Variants in RBFOX1 observed in about 807,000 individuals in gnomAD.
RBFOX1 encodes RNA binding protein fox-1 homolog 1.
Under a neutral mutation model 57.7 loss-of-function variants are expected in RBFOX1, and 8 were observed. That is an observed-to-expected ratio of 0.14 (90% CI 0.08 to 0.25). The LOEUF is 0.25. Ranked by LOEUF, RBFOX1 falls within the 10% of genes least tolerant of loss-of-function variation. The pLI is 1.00. For missense variants in RBFOX1, 611 were observed against 548.5 expected (o/e 1.11, Z -1.14); for synonymous variants, 326 against 222.4 (o/e 1.47, Z -4.15).
intron 1 of RBFOX1, among the ~76,000 whole-genome samples, chr16:6,289,867 A>G (rs1222404193): frequency 2.0e-5 from 3 of 152,206 alleles, no homozygotes; most frequent in Non-Finnish European, 4.4e-5. Context: ...CAGTAAGAGA[A>G]TAATGATTTC....
At chr16:5,998,983 T>G (rs1452706887) in intron 4 of RBFOX1, among the ~76,000 whole-genome samples, 2 of 152,190 alleles carry the variant, frequency 1.3e-5, no homozygotes, top group Non-Finnish European at 2.9e-5. Context: ...AAAATCTATG[T>G]GGATGAACTG....
chr16:5,805,173 C>A (rs1406350862), intron 3 of RBFOX1, among the ~76,000 whole-genome samples: 1 of 151,964 alleles, frequency 6.6e-6, no homozygotes, highest in East Asian at 1.9e-4. Context: ...TGGCACTATG[C>A]AGTGATTCAT....
At chr16:6,219,072 T>C (rs1351698835) in intron 1 of RBFOX1, among the ~76,000 whole-genome samples, 1 of 152,114 alleles carries the variant, frequency 6.6e-6, no homozygotes, top group East Asian at 1.9e-4. Flanking sequence ...TACCGAGTCA[T>C]TAAGAGGGGC....
intron 4 of RBFOX1, among the ~76,000 whole-genome samples, chr16:7,487,275 T>G (rs2065663370): frequency 6.6e-6 from 1 of 152,186 alleles, no homozygotes; most frequent in Admixed American, 6.5e-5. Context: ...GGTATACTCC[T>G]TCCTCAACTA....
In RBFOX1 at chr16:7,298,285, GTT is replaced by G. The variant is rs201092743; in HGVS notation, c.28-219842_28-219841del. On this transcript the variant is annotated intron_variant, in intron 4 of 15. Coordinates refer to ENST00000550418, the MANE Select transcript of RBFOX1 (RefSeq NM_018723.4). Reference sequence around the variant, plus strand: ...AAAATTTGTGTATAGGTTTTTTTTTGTTTTTTTTTTTTTTTTTTTTTGAGATA... The same window carrying G: ...AAAATTTGTGTATAGGTTTTTTTTTGTTTTTTTTTTTTTTTTTTTGAGATA... Among the ~76,000 whole-genome samples, 836 of 96,540 alleles carry G rather than the reference GTT, an allele frequency of 8.7e-3. 5 individuals are homozygous for G. Among genetic ancestry groups the G allele is most frequent in the African/African-American group, 0.028 (703 of 24,890 alleles). 63.3% of individuals were successfully genotyped at this position (96,540 alleles called of 152,430 possible).
Position 7,713,206 on chromosome 16 carries a change from A to G in RBFOX1, c.*2461A>G, listed in dbSNP as rs1418044684. ...CATATAGTGACTTCTTAACACACAC[A>G]TCACGCAATCTGCAAACCCAGAAAA... is the stretch of plus-strand genomic sequence containing the variant. On this transcript the variant is annotated 3_prime_UTR_variant, in exon 16 of 16. Coordinates refer to ENST00000550418, the MANE Select transcript of RBFOX1 (RefSeq NM_018723.4). 2 of 152,266 alleles carry G rather than the reference A, an allele frequency of 1.3e-5. No individual in the cohort carries two copies. Among genetic ancestry groups the G allele is most frequent in the African/African-American group, 4.8e-5 (2 of 41,472 alleles). 9.4% of individuals were successfully genotyped at this position (152,266 alleles called of 1,614,324 possible).
intron 2 of RBFOX1, among the ~76,000 whole-genome samples, chr16:6,650,147 C>G (rs1558568): frequency 0.4 from 60,539 of 152,004 alleles, 13,187 homozygotes; most frequent in South Asian, 0.51. Context: ...GCCTCCACAC[C>G]GTTTTTTGTA....
chr16:6,774,205 G>C (rs1226960628), intron 3 of RBFOX1, among the ~76,000 whole-genome samples: 11 of 152,062 alleles, frequency 7.2e-5, no homozygotes, highest in Admixed American at 6.5e-4. Flanking sequence ...GTTATTAGTA[G>C]GTTTCTCTGT....
At chr16:6,892,275 T>G (rs1256390084) in intron 3 of RBFOX1, among the ~76,000 whole-genome samples, 1 of 152,194 alleles carries the variant, frequency 6.6e-6, no homozygotes, top group Admixed American at 6.5e-5. Context: ...ACGAATGTAT[T>G]TTAGACAAGA....
rs549741784 is a variant in RBFOX1, at chr16:7,044,324, T to G, written c.-15-7733T>G. On this transcript the variant is annotated intron_variant, in intron 3 of 15. Transcript: ENST00000550418. ...TAGTTCTTGCAGAGCCAGTCTGATG[T>G]GTGGGAGAGAAAAATCAGACTGAAA... Among the ~76,000 whole-genome samples the G allele has an allele frequency of 2.0e-5, 3 of 152,212 alleles. No individual in the cohort carries two copies. In the East Asian group the frequency reaches 5.8e-4, roughly 29 times the overall value.
chr16:6,809,381 C>G (rs1042576064), intron 3 of RBFOX1, among the ~76,000 whole-genome samples: 2 of 152,110 alleles, frequency 1.3e-5, no homozygotes, highest in Non-Finnish European at 2.9e-5. Flanking sequence ...CAGACACTTT[C>G]TAAAGGTGCA....
At chr16:7,128,684 G>T (rs1431762387) in intron 4 of RBFOX1, among the ~76,000 whole-genome samples, 1 of 152,184 alleles carries the variant, frequency 6.6e-6, no homozygotes, top group Non-Finnish European at 1.5e-5. Flanking sequence ...TTTGGATTCA[G>T]AGGGTGGGGA....
chr16:6,499,824 C>T (rs553606501), intron 2 of RBFOX1, among the ~76,000 whole-genome samples: 3 of 152,074 alleles, frequency 2.0e-5, no homozygotes, highest in South Asian at 2.1e-4. Flanking sequence ...CGCGGGTAAT[C>T]GATACCTCCT....
intron 11 of RBFOX1, among the ~76,000 whole-genome samples, chr16:7,639,929 C>T (rs1362484618): frequency 2.0e-5 from 3 of 152,120 alleles, no homozygotes; most frequent in African/African-American, 7.2e-5. Context: ...TCCAGCTACC[C>T]CCCACCCACC....
intron 2 of RBFOX1, among the ~76,000 whole-genome samples, chr16:5,546,454 A>T (rs937552810): frequency 6.6e-6 from 1 of 152,218 alleles, no homozygotes; most frequent in Non-Finnish European, 1.5e-5. Flanking sequence ...ACAGTGTACT[A>T]TTGACATCAA....
chr16:5,422,227 G>GC (rs1567484613), intron 1 of RBFOX1, among the ~76,000 whole-genome samples: 6 of 148,128 alleles, frequency 4.1e-5, no homozygotes, highest in African/African-American at 1.5e-4. Flanking sequence ...AGAGGAGGGA[G>GC]AGGGAGAGGG....
chr16:6,252,200 T>C (rs916644910), intron 1 of RBFOX1, among the ~76,000 whole-genome samples: 2 of 152,044 alleles, frequency 1.3e-5, no homozygotes, highest in Admixed American at 6.6e-5. Context: ...CGCAACTTGA[T>C]AGAAAAGGCA....
At chr16:5,990,233 C>T (rs1429906105) in intron 4 of RBFOX1, among the ~76,000 whole-genome samples, 1 of 152,130 alleles carries the variant, frequency 6.6e-6, no homozygotes, top group African/African-American at 2.4e-5. Flanking sequence ...TCAAGTGATC[C>T]TCCCACTTTG....
chr16:6,857,706 C>G (rs1057245729), intron 3 of RBFOX1, among the ~76,000 whole-genome samples: 1 of 152,120 alleles, frequency 6.6e-6, no homozygotes, highest in African/African-American at 2.4e-5. Flanking sequence ...ATCAGTTGTT[C>G]ATGATTTCCC....
Sources: allele counts gnomAD v4.1 joint callset (sites outside exome capture counted in the v4.1 genomes callset), GRCh38; gene constraint gnomAD v4.1.1; transcripts MANE v1.5; gene names NCBI Gene and HGNC (gene_info 2026-07-23, HGNC 2026-07-21).